UVSSA: variants seen among roughly 807,000 people sequenced by gnomAD.
The protein encoded by UVSSA is UV stimulated scaffold protein A, also known as UV-stimulated scaffold protein A.
In UVSSA, 72 loss-of-function variants were observed where a neutral mutation model predicts 73.9. That is an observed-to-expected ratio of 0.97 (90% CI 0.81 to 1.19). UVSSA has a LOEUF of 1.19. Among genes scored for constraint, UVSSA ranks in the 50% most tolerant of loss-of-function variants. The probability of loss-of-function intolerance (pLI) is 0.00; values close to 1 mark genes in which losing one functional copy is unlikely to be tolerated. For missense variants in UVSSA, 1,150 were observed against 965.0 expected (o/e 1.19, Z -2.54); for synonymous variants, 454 against 391.3 (o/e 1.16, Z -1.89).
At chr4:1,371,684 C>G (rs1044838686) in intron 8 of UVSSA, among the ~76,000 whole-genome samples, 2 of 152,184 alleles carry the variant, frequency 1.3e-5, no homozygotes, top group African/African-American at 4.8e-5. Context: ...CGGAGAAACT[C>G]CCGCTTTTAC....
chr4:1,375,631 G>T, intron 9 of UVSSA, 123 bp downstream of exon 9: 1 of 1,445,804 alleles, frequency 6.9e-7, no homozygotes. Flanking sequence ...TGGAAGCCTT[G>T]GGTGTGTACC....
intron 3 of UVSSA, 118 bp from the exon 4 acceptor site, chr4:1,351,597 G>C: frequency 1.8e-6 from 2 of 1,101,980 alleles, no homozygotes; most frequent in Non-Finnish European, 2.5e-6. Context: ...CACCGTGTTA[G>C]CCAGGATGGT....
Position 1,385,944 on chromosome 4 carries a change from A to G in UVSSA, c.2113A>G (p.Asn705Asp). ...KKHEKFSNQF[N>D]YALN ...GCACGAGAAGTTTTCAAACCAGTTTAACTACGCACTGAACTAGAGAGCGGG... is the reference window on the plus strand; with the variant it reads ...GCACGAGAAGTTTTCAAACCAGTTTGACTACGCACTGAACTAGAGAGCGGG... The change falls in exon 14 of 14, where the codon AAC becomes GAC. Residue 705 changes from asparagine to aspartate, a missense_variant. Physicochemically the swap from Asn to Asp is conservative, Grantham distance 23. Transcript: ENST00000389851. The G allele has an allele frequency of 6.2e-7, 1 of 1,613,960 alleles. No individual in the cohort carries two copies. Among genetic ancestry groups the G allele is most frequent in the Non-Finnish European group, 8.5e-7 (1 of 1,180,006 alleles).
chr4:1,352,025 C>T (rs1346690847), intron 4 of UVSSA, among the ~76,000 whole-genome samples, 190 bp downstream of exon 4: 5 of 152,232 alleles, frequency 3.3e-5, no homozygotes, highest in Non-Finnish European at 5.9e-5. Flanking sequence ...ATGCCTCTCC[C>T]GCGCCCTCTG....
chr4:1,367,003 C>T (rs1717416881), intron 8 of UVSSA, among the ~76,000 whole-genome samples: 1 of 152,190 alleles, frequency 6.6e-6, no homozygotes, highest in African/African-American at 2.4e-5. Flanking sequence ...GGGCCACCAC[C>T]CCGCGCCTTC....
chr4:1,343,470 A>C (rs528737644), upstream of UVSSA, among the ~76,000 whole-genome samples: 1 of 151,996 alleles, frequency 6.6e-6, no homozygotes, highest in Admixed American at 6.5e-5. Flanking sequence ...CTTATAAATC[A>C]TAACAATATT....
downstream of UVSSA, chr4:1,391,898 G>C (rs1430717631): frequency 2.6e-5 from 4 of 152,242 alleles, no homozygotes; most frequent in Non-Finnish European, 5.9e-5. Flanking sequence ...TCTGCTGTTT[G>C]AGAGGGATGT....
At chr4:1,360,683 G>A (rs746265106) in intron 7 of UVSSA, among the ~76,000 whole-genome samples, 8 of 152,128 alleles carry the variant, frequency 5.3e-5, no homozygotes, top group Non-Finnish European at 1.0e-4. Flanking sequence ...CCCGTGAGCC[G>A]AGTGTGTGTG....
At chr4:1,365,648 C>G (rs1301140747) in intron 7 of UVSSA, among the ~76,000 whole-genome samples, 2 of 152,238 alleles carry the variant, frequency 1.3e-5, no homozygotes, top group Non-Finnish European at 2.9e-5. Context: ...TACAAGTCCT[C>G]AAGGACAGAA....
At chr4:1,395,267 C>T in exon 14 of UVSSA, 1 of 1,566,676 alleles carries the variant, frequency 6.4e-7, no homozygotes, top group East Asian at 2.3e-5. Flanking sequence ...CCCGCCTGCT[C>T]ACGTGCCGAT....
At chr4:1,357,478 G>T (rs888836352) in intron 7 of UVSSA, among the ~76,000 whole-genome samples, 1 of 152,268 alleles carries the variant, frequency 6.6e-6, no homozygotes, top group Non-Finnish European at 1.5e-5. Context: ...GGGTTGGCTG[G>T]TGGAAGTGAA....
At chr4:1,370,507 C>T (rs535303682) in intron 8 of UVSSA, among the ~76,000 whole-genome samples, 12 of 152,384 alleles carry the variant, frequency 7.9e-5, no homozygotes, top group African/African-American at 1.9e-4. Context: ...ACCCAGGAAA[C>T]GGGAGCAGCC....
chr4:1,375,973 AG>A (rs945307946), intron 9 of UVSSA, 60 bp from the exon 10 acceptor site: 1 of 1,551,776 alleles, frequency 6.4e-7, no homozygotes, highest in African/African-American at 1.4e-5. Context: ...GGGGAGGGAG[AG>A]GAGGGTGGCT....
Position 1,349,674 on chromosome 4 carries a change from C to G in UVSSA, c.249C>G (p.Phe83Leu). The G allele has an allele frequency of 6.2e-7, 1 of 1,614,010 alleles. No homozygotes were observed. The stretch of plus-strand genomic sequence containing the variant: ...TCCGGATGCTGGTTGTTTCCAACTT[C>G]CAGGAGTTCCTGGAGCTCACGCTGG... The part of the protein sequence containing the change: ...HQFRMLVVSN[F>L]QEFLELTLGT... The change falls in exon 3 of 14, where the codon TTC becomes TTG. Residue 83 changes from phenylalanine (F) to leucine (L), a missense_variant. Phe to Leu is a conservative substitution (Grantham distance 22, BLOSUM62 0). Coordinates refer to ENST00000389851, the MANE Select transcript of UVSSA (RefSeq NM_020894.4).
chr4:1,352,861 C>T (rs555727723), intron 4 of UVSSA, among the ~76,000 whole-genome samples, 169 bp from the exon 5 acceptor site: 5 of 152,350 alleles, frequency 3.3e-5, no homozygotes, highest in Admixed American at 3.3e-4. Context: ...GGCTGCACTA[C>T]CTGAGCCTGG....
chr4:1,381,957 G>A (rs1022370351), intron 12 of UVSSA, among the ~76,000 whole-genome samples: 1 of 152,162 alleles, frequency 6.6e-6, no homozygotes, highest in East Asian at 1.9e-4. Flanking sequence ...GTCCCCGCCC[G>A]GCCTCGGTCC....
In UVSSA at chr4:1,376,036, C is replaced by T; in HGVS notation, c.1436C>T (p.Pro479Leu). The part of the protein sequence containing the change: ...DHLPPPSSAS[P>L]SRALPEPQEA... Reference sequence around the variant, plus strand: ...GCTGTCCCACTCTGCTCCTGTAGCCCCTCCAGAGCGTTGCCAGAGCCACAG... The same window carrying T: ...GCTGTCCCACTCTGCTCCTGTAGCCTCTCCAGAGCGTTGCCAGAGCCACAG... Residue 479 changes from proline to leucine, a missense_variant and splice_region_variant, in exon 10 of 14, where the codon CCC becomes CTC. Transcript: ENST00000389851. The T allele has an allele frequency of 6.3e-7, 1 of 1,593,624 alleles. No homozygotes were observed. The highest frequency in any genetic ancestry group is 8.5e-7 in the Non-Finnish European group (1 of 1,171,436).
intron 2 of UVSSA, 44 bp downstream of exon 2, chr4:1,348,233 GC>G: frequency 6.8e-7 from 1 of 1,480,784 alleles, no homozygotes; most frequent in Non-Finnish European, 9.4e-7. Context: ...GGCCCACTGA[GC>G]CCAGGACACA....
chr4:1,357,401 T>C (rs1715940378), intron 7 of UVSSA, among the ~76,000 whole-genome samples: 1 of 152,252 alleles, frequency 6.6e-6, no homozygotes, highest in South Asian at 2.1e-4. Context: ...TGGAACCTTC[T>C]GGAATGCCTG....
Sources: gnomAD v4.1 joint callset for allele counts (sites outside exome capture counted in the v4.1 genomes callset) on GRCh38, gnomAD v4.1.1 for gene constraint, MANE v1.5 for transcripts, NCBI Gene and HGNC (gene_info 2026-07-23, HGNC 2026-07-21) for gene names.